Variants in NBPF14 observed in about 807,000 individuals in gnomAD.
NBPF14 encodes NBPF member 14.
In NBPF14, 104 loss-of-function variants were observed where a neutral mutation model predicts 91.2. That is an observed-to-expected ratio of 1.14 (90% CI 0.97 to 1.34). NBPF14 has a LOEUF of 1.34. Among genes scored for constraint, NBPF14 ranks in the 40% most tolerant of loss-of-function variants. The pLI is 0.00. For missense variants in NBPF14, 908 were observed against 783.0 expected, an observed-to-expected ratio of 1.16 and a Z score of -1.91; for synonymous variants, 294 against 303.8, an observed-to-expected ratio of 0.97 and a Z score of 0.34.
intron 28 of NBPF14, 73 bp downstream of exon 28, chr1:148,566,879 C>A (rs1658559534): frequency 4.0e-6 from 1 of 248,254 alleles, no homozygotes; most frequent in East Asian, 1.1e-4. Flanking sequence ...TAATGTCAGC[C>A]CGCTCTGTTT....
At chr1:148,572,824 A>G (rs1659344774) in intron 20 of NBPF14, among the ~76,000 whole-genome samples, 1 of 45,740 alleles carries the variant, frequency 2.2e-5, no homozygotes, top group Non-Finnish European at 3.9e-5. Context: ...ACAGAGACAG[A>G]GACAGAGACA....
Position 148,533,853 on chromosome 1 carries a change from A to C in NBPF14, c.8723+8T>G, listed in dbSNP as rs1654305872. 1.3e-6 allele frequency: 1 copy of C among 765,062 alleles called. No homozygotes were observed. The highest frequency in any genetic ancestry group is 2.4e-6 in the Non-Finnish European group (1 of 418,216). 47.4% of individuals were successfully genotyped at this position (765,062 alleles called of 1,614,324 possible). On this transcript the variant is annotated splice_region_variant and intron_variant, in intron 70 of 70. Coordinates refer to ENST00000619423, the Ensembl canonical transcript of NBPF14. The stretch of plus-strand genomic sequence containing the variant: ...CAGAACTAAGGATCCACAATTGCTG[A>C]AAGTCACCTGGGGCATGGTGGGTTT...
chr1:148,579,927 C>G (rs1166014209), intron 12 of NBPF14, among the ~76,000 whole-genome samples: 1 of 152,080 alleles, frequency 6.6e-6, no homozygotes. Context: ...ACATCCACCC[C>G]AAAACCCCAT....
rs1570903981 is a variant in NBPF14, at chr1:148,534,887, C to A, written c.8442-31G>T. The A allele has an allele frequency of 7.1e-5, 52 of 732,514 alleles. No homozygotes were observed. In the East Asian group the frequency reaches 1.2e-3, roughly 17 times the overall value. 45.4% of individuals were successfully genotyped at this position (732,514 alleles called of 1,614,324 possible). On this transcript the variant is annotated intron_variant, in intron 68 of 70. Transcript: ENST00000619423. ...AAAGTAGGAAAAAGTAAAGAATAAG[C>A]CAGGGGGAATCAGAAACCACACAGC...
chr1:148,579,611 GCAGA>G (rs1660582333), intron 12 of NBPF14, among the ~76,000 whole-genome samples: 1 of 135,966 alleles, frequency 7.4e-6, no homozygotes, highest in Non-Finnish European at 1.6e-5. Flanking sequence ...TTGACGCAGT[GCAGA>G]CACAGATCTT....
rs1338368373 is a variant in NBPF14, at chr1:148,572,777, C to T, written c.2586-162G>A. 2.9e-5 allele frequency among the ~76,000 whole-genome samples: 2 copies of T among 68,316 alleles called. 1 individual carries two copies. The highest frequency in any genetic ancestry group is 6.5e-4 in the East Asian group (2 of 3,074). 44.8% of individuals were successfully genotyped at this position (68,316 alleles called of 152,430 possible). A position where few individuals can be genotyped will look rare whatever the true frequency, so the allele number is the denominator to read the frequency against. On this transcript the variant is annotated intron_variant, in intron 20 of 70. Transcript: ENST00000619423. ...GCCTTTATGTTGGGATAGAACAGGG[C>T]CAGATAGAAAACAATGAAAGAGAGA...
At position 148,577,972 on chromosome 1, in the gene NBPF14, C is replaced by A; in HGVS notation, c.1853+11G>T. On this transcript the variant is annotated intron_variant, in intron 14 of 70. Transcript: ENST00000619423. ...ACATCAAATTAACTGTCCACAATTT[C>A]TCAGACTCACCTGGGACCTGTTGCC... 1 of 604,282 alleles carries A rather than the reference C, an allele frequency of 1.7e-6. No homozygotes were observed. Among genetic ancestry groups the A allele is most frequent in the East Asian group, 2.7e-5 (1 of 36,430 alleles). The allele number at this position is 604,282 out of a possible 1,614,324, so 37.4% of individuals were successfully genotyped here.
intron 36 of NBPF14, 23 bp from the exon 37 acceptor site, chr1:148,559,988 A>G (rs1177605030): frequency 4.6e-6 from 5 of 1,089,542 alleles, no homozygotes; most frequent in Non-Finnish European, 6.8e-6. Context: ...AAAAAAGTAA[A>G]GAATAAGCCA....
At chr1:148,571,282 G>C (rs1432252782) in intron 22 of NBPF14, among the ~76,000 whole-genome samples, 6 of 89,940 alleles carry the variant, frequency 6.7e-5, no homozygotes, top group African/African-American at 2.1e-4. Flanking sequence ...CACAGAGAGA[G>C]AGAGAGAGAG....
At chr1:148,576,031 A>G (rs1310351254) in intron 16 of NBPF14, among the ~76,000 whole-genome samples, 2 of 147,892 alleles carry the variant, frequency 1.4e-5, no homozygotes, top group Non-Finnish European at 3.0e-5. Flanking sequence ...GAGAGAGGAG[A>G]AAGTGAGCTC....
At chr1:148,581,455 C>T in intron 12 of NBPF14, among the ~76,000 whole-genome samples, 1 of 150,922 alleles carries the variant, frequency 6.6e-6, no homozygotes, top group South Asian at 2.1e-4. Context: ...AATCGTTGAA[C>T]TAGTTTACAG....
At chr1:148,577,626 A>C (rs1323166451) in intron 14 of NBPF14, among the ~76,000 whole-genome samples, 4 of 149,902 alleles carry the variant, frequency 2.7e-5, no homozygotes, top group Non-Finnish European at 4.4e-5. Flanking sequence ...TGACACACTG[A>C]TGAGGGAGTC....
chr1:148,587,421 C>T lies in NBPF14; in HGVS notation c.989-18G>A, dbSNP rs1558370231. The T allele has an allele frequency of 6.4e-7, 1 of 1,565,302 alleles. No homozygotes were observed. The highest frequency in any genetic ancestry group is 1.7e-5 in the Admixed American group (1 of 59,184). Reference sequence around the variant, plus strand: ...TTCATATTCTGAGAAAAGACAGACACACCTACCTCAGTGGAAGGCTGGACA... The same window carrying T: ...TTCATATTCTGAGAAAAGACAGACATACCTACCTCAGTGGAAGGCTGGACA... On this transcript the variant is annotated intron_variant, in intron 7 of 70. Coordinates refer to ENST00000619423, the Ensembl canonical transcript of NBPF14.
chr1:148,535,274 A>G (rs1360267178), intron 68 of NBPF14, among the ~76,000 whole-genome samples, 179 bp downstream of exon 68: 1 of 150,398 alleles, frequency 6.6e-6, no homozygotes, highest in East Asian at 2.0e-4. Flanking sequence ...TGAGTAAATG[A>G]TAAGGGGAGG....
rs1174000010 is a variant in NBPF14 at position 148,559,889 on chromosome 1, A to G, written c.4633T>C (p.Ser1545Pro). The change falls in exon 37 of 71, where the codon TCA becomes CCA. Residue 1545 changes from serine to proline, a missense_variant. Ser to Pro is a moderately conservative substitution (Grantham distance 74, BLOSUM62 -1). Around this residue, in one of 13 missense-constraint regions of NBPF14, gnomAD observed 447 missense variants for 189.1 expected, o/e 2.36. Transcript: ENST00000619423. ...GAGTCAGTCAGTTCAAGACAACCTG[A>G]AGGAGTTGAATAACATCTATCCAGT... 4.6e-3 allele frequency: 5,906 copies of G among 1,297,366 alleles called. 249 individuals are homozygous for G. Among genetic ancestry groups the G allele is most frequent in the Middle Eastern group, 0.017 (65 of 3,796 alleles). The allele number at this position is 1,297,366 out of a possible 1,614,324, so 80.4% of individuals were successfully genotyped here.
At chr1:148,586,981 G>A (rs1661646152) in intron 8 of NBPF14, among the ~76,000 whole-genome samples, 1 of 146,132 alleles carries the variant, frequency 6.8e-6, no homozygotes, top group African/African-American at 2.5e-5. Flanking sequence ...AAGGGTAAGT[G>A]GGGTGGTGAT....
chr1:148,539,356 C>A (rs1376960575), intron 63 of NBPF14, 54 bp downstream of exon 63: 3 of 507,868 alleles, frequency 5.9e-6, no homozygotes, highest in Non-Finnish European at 6.7e-6. Flanking sequence ...AGGAATATCA[C>A]CCCTATCTGG....
At chr1:148,559,770 C>A (rs1222339605) in intron 37 of NBPF14, 23 bp downstream of exon 37, 49 of 1,371,644 alleles carry the variant, frequency 3.6e-5, no homozygotes, top group Non-Finnish European at 4.6e-5. Flanking sequence ...GGATCCTTAT[C>A]ACCTTCATAG....
chr1:148,566,618 C>G (rs1288929874), intron 28 of NBPF14, among the ~76,000 whole-genome samples: 7 of 140,936 alleles, frequency 5.0e-5, no homozygotes, highest in African/African-American at 7.7e-5. Context: ...ACAGGACACT[C>G]TGAGTTAGTG....
Sources: allele counts gnomAD v4.1 joint callset (sites outside exome capture counted in the v4.1 genomes callset), GRCh38; gene constraint gnomAD v4.1.1; regional missense constraint gnomAD v4.1.1; transcripts MANE v1.5; gene names NCBI Gene and HGNC (gene_info 2026-07-23, HGNC 2026-07-21).